Variants in IL34 observed in about 807,000 individuals in gnomAD.
IL34 encodes interleukin-34.
Under a neutral mutation model 25.3 loss-of-function variants are expected in IL34, and 17 were observed. The observed-to-expected ratio is 0.67, with a 90% CI of 0.46 to 1.01. The LOEUF is 1.01. IL34 is among the 50% of genes least tolerant of loss of function. IL34 has a pLI of 0.00. For missense variants in IL34, 368 were observed against 312.9 expected (o/e 1.18, Z -1.33); for synonymous variants, 174 against 140.9 (o/e 1.23, Z -1.66).
intron 1 of IL34, among the ~76,000 whole-genome samples, chr16:70,636,063 C>G (rs4985552): frequency 0.27 from 39,705 of 149,630 alleles, 5,500 homozygotes; most frequent in South Asian, 0.44. Flanking sequence ...ATTTTTGAGA[C>G]AGTCTCGCTC....
chr16:70,648,750 C>T (rs2052005944), intron 1 of IL34, among the ~76,000 whole-genome samples: 1 of 151,866 alleles, frequency 6.6e-6, no homozygotes, highest in Admixed American at 6.6e-5. Flanking sequence ...GCTGCCATAA[C>T]CAATTAGAAA....
chr16:70,644,718 A>G (rs1427503541), upstream of IL34, among the ~76,000 whole-genome samples: 3 of 53,664 alleles, frequency 5.6e-5, no homozygotes, highest in African/African-American at 7.0e-5. Context: ...GAGGGGGAGG[A>G]GGAGGGGGAG....
chr16:70,613,920 G>A (rs1230226263), intron 1 of IL34, among the ~76,000 whole-genome samples: 2 of 151,904 alleles, frequency 1.3e-5, no homozygotes, highest in African/African-American at 4.8e-5. Context: ...AGGCACGGTG[G>A]CTCACCCCTG....
intron 1 of IL34, among the ~76,000 whole-genome samples, chr16:70,625,767 G>A (rs1235409452): frequency 6.6e-6 from 1 of 152,226 alleles, no homozygotes; most frequent in African/African-American, 2.4e-5. Context: ...TTGAAATTAA[G>A]AGAAGGGAGA....
intron 4 of IL34, among the ~76,000 whole-genome samples, chr16:70,659,305 G>A (rs930456165): frequency 2.0e-5 from 3 of 152,214 alleles, no homozygotes; most frequent in Admixed American, 6.5e-5. Context: ...GGGTCCTCAC[G>A]CAGTGGTGGG....
chr16:70,599,776 G>A (rs2050888951), intron 1 of IL34, among the ~76,000 whole-genome samples: 1 of 151,066 alleles, frequency 6.6e-6, no homozygotes, highest in East Asian at 2.0e-4. Context: ...CTGGCCCCAA[G>A]CAATCCTCCT....
intron 1 of IL34, 70 bp downstream of exon 1, chr16:70,647,045 C>T: frequency 7.7e-7 from 1 of 1,300,988 alleles, no homozygotes; most frequent in Non-Finnish European, 1.0e-6. Flanking sequence ...CTGCCGTAAC[C>T]ATAGCAACCA....
At chr16:70,657,960 G>T (rs2052277000) in intron 4 of IL34, among the ~76,000 whole-genome samples, 1 of 152,118 alleles carries the variant, frequency 6.6e-6, no homozygotes, top group Admixed American at 6.5e-5. Context: ...TTGATCTGAG[G>T]CCTCAGGGAT....
chr16:70,595,778 G>T (rs1240460281), intron 1 of IL34, among the ~76,000 whole-genome samples: 1 of 152,088 alleles, frequency 6.6e-6, no homozygotes, highest in African/African-American at 2.4e-5. Flanking sequence ...TTGGGAGGCC[G>T]AGACAGATGG....
intron 1 of IL34, among the ~76,000 whole-genome samples, chr16:70,649,862 G>T (rs546551118): frequency 2.0e-5 from 3 of 152,040 alleles, no homozygotes; most frequent in African/African-American, 4.8e-5. Context: ...GCTGCGGCAC[G>T]ATCTCAGCTC....
intron 1 of IL34, among the ~76,000 whole-genome samples, chr16:70,614,523 C>T (rs186234130): frequency 3.3e-5 from 5 of 152,246 alleles, no homozygotes; most frequent in African/African-American, 1.2e-4. Context: ...TGATGGGAGC[C>T]GAGGTTTAGC....
intron 1 of IL34, among the ~76,000 whole-genome samples, chr16:70,604,910 G>A (rs1329335798): frequency 5.9e-5 from 9 of 152,122 alleles, no homozygotes; most frequent in Admixed American, 2.0e-4. Context: ...GCATGCATGT[G>A]TGTGTGCATG....
At chr16:70,659,304 C>T (rs1294119656) in intron 4 of IL34, among the ~76,000 whole-genome samples, 3 of 152,222 alleles carry the variant, frequency 2.0e-5, no homozygotes, top group Non-Finnish European at 2.9e-5. Context: ...GGGGTCCTCA[C>T]GCAGTGGTGG....
At chr16:70,636,601 A>G (rs1597765299) in intron 1 of IL34, among the ~76,000 whole-genome samples, 2 of 150,676 alleles carry the variant, frequency 1.3e-5, no homozygotes, top group East Asian at 3.9e-4. Context: ...ACACACACAC[A>G]CACACACACA....
chr16:70,595,421 A>G (rs567471399), intron 1 of IL34, among the ~76,000 whole-genome samples: 2 of 152,090 alleles, frequency 1.3e-5, no homozygotes, highest in South Asian at 4.2e-4. Context: ...CCTAGGTTCA[A>G]TTAATCCTCC....
At chr16:70,594,140 A>C (rs8047409) in intron 1 of IL34, among the ~76,000 whole-genome samples, 72,530 of 152,028 alleles carry the variant, frequency 0.48, 17,737 homozygotes, top group South Asian at 0.65. Context: ...TTTAGAATCA[A>C]CTTGTAGATA....
intron 1 of IL34, among the ~76,000 whole-genome samples, chr16:70,603,026 G>C (rs1399934684): frequency 6.6e-6 from 1 of 151,962 alleles, no homozygotes; most frequent in Non-Finnish European, 1.5e-5. Context: ...AGCCCCGGCT[G>C]TTTTTCTCTC....
At chr16:70,585,486 G>T (rs1482696731) in intron 1 of IL34, among the ~76,000 whole-genome samples, 3 of 151,936 alleles carry the variant, frequency 2.0e-5, no homozygotes, top group Non-Finnish European at 4.4e-5. Flanking sequence ...AGGAGATTGA[G>T]ACCATCCTGG....
chr16:70,629,323 G>C (rs1269352242), intron 1 of IL34, among the ~76,000 whole-genome samples: 1 of 152,166 alleles, frequency 6.6e-6, no homozygotes, highest in Non-Finnish European at 1.5e-5. Context: ...GCCTTTATCT[G>C]AGGTTGAGGT....
Sources: gnomAD v4.1 joint callset for allele counts (sites outside exome capture counted in the v4.1 genomes callset) on GRCh38, gnomAD v4.1.1 for gene constraint, MANE v1.5 for transcripts, NCBI Gene and HGNC (gene_info 2026-07-23, HGNC 2026-07-21) for gene names.